CHCHD6: variants seen among roughly 807,000 people sequenced by gnomAD.
The protein encoded by CHCHD6 is coiled-coil-helix-coiled-coil-helix domain containing 6.
CHCHD6 carries 28 observed loss-of-function variants against 32.3 expected under a neutral mutation model. The observed-to-expected ratio is 0.87, with a 90% CI of 0.64 to 1.19. CHCHD6 has a LOEUF of 1.19. Ranked by LOEUF, CHCHD6 falls within the 50% of genes most tolerant of loss-of-function variation. The pLI is 0.00. For synonymous variants in CHCHD6, 122 were observed against 117.5 expected (o/e 1.04, Z -0.25); for missense variants, 333 against 307.0 (o/e 1.08, Z -0.63).
intron 5 of CHCHD6, among the ~76,000 whole-genome samples, chr3:126,878,953 T>C (rs2077573645): frequency 6.6e-6 from 1 of 152,228 alleles, no homozygotes; most frequent in Admixed American, 6.5e-5. Context: ...ACTTGATGGC[T>C]GTGAGCTGGA....
chr3:126,851,769 G>T (rs1381001620), intron 4 of CHCHD6, among the ~76,000 whole-genome samples: 2 of 152,232 alleles, frequency 1.3e-5, no homozygotes, highest in Non-Finnish European at 2.9e-5. Context: ...CTTTATGGAG[G>T]TCTATTGAGA....
chr3:126,765,284 AAGAG>A, intron 4 of CHCHD6, among the ~76,000 whole-genome samples: 1 of 152,304 alleles, frequency 6.6e-6, no homozygotes, highest in East Asian at 1.9e-4. Context: ...TCTGGAAACC[AAGAG>A]CCCTAGCCAG....
At chr3:126,725,288 ACATCTC>A (rs1935480457) in intron 1 of CHCHD6, among the ~76,000 whole-genome samples, 1 of 152,222 alleles carries the variant, frequency 6.6e-6, no homozygotes, top group South Asian at 2.1e-4. Flanking sequence ...TTCATCTTGT[ACATCTC>A]CATCAGAGCT....
chr3:126,892,296 G>A (rs1054410990), intron 5 of CHCHD6, among the ~76,000 whole-genome samples: 3 of 152,158 alleles, frequency 2.0e-5, no homozygotes, highest in Non-Finnish European at 4.4e-5. Context: ...GACTTAAAGA[G>A]ACTGCAAAGC....
chr3:126,810,294 G>A (rs1044480954), intron 4 of CHCHD6, among the ~76,000 whole-genome samples: 1 of 152,150 alleles, frequency 6.6e-6, no homozygotes, highest in Non-Finnish European at 1.5e-5. Flanking sequence ...GAATTAATAC[G>A]GGATGGGAGA....
intron 4 of CHCHD6, among the ~76,000 whole-genome samples, chr3:126,802,470 G>C (rs567102757): frequency 6.6e-6 from 1 of 152,314 alleles, no homozygotes; most frequent in East Asian, 1.9e-4. Context: ...TTCAGTGATG[G>C]AAGATGAAAT....
chr3:126,768,367 A>G (rs1245715995), intron 4 of CHCHD6, among the ~76,000 whole-genome samples: 1 of 152,176 alleles, frequency 6.6e-6, no homozygotes, highest in Admixed American at 6.5e-5. Context: ...CAGAAGCAGA[A>G]GCCACTATGC....
chr3:126,714,518 A>C (rs544988236), intron 1 of CHCHD6, among the ~76,000 whole-genome samples: 2 of 152,230 alleles, frequency 1.3e-5, no homozygotes, highest in Admixed American at 1.3e-4. Context: ...TCTTCTTCGG[A>C]TCACGGGGTT....
At chr3:126,916,258 G>A (rs185685544) in intron 6 of CHCHD6, among the ~76,000 whole-genome samples, 110 of 152,110 alleles carry the variant, frequency 7.2e-4, no homozygotes, top group African/African-American at 2.5e-3. Flanking sequence ...AAAATTAGCC[G>A]GATGTGGTGG....
At chr3:126,734,966 A>AC (rs996468672) in intron 4 of CHCHD6, among the ~76,000 whole-genome samples, 3 of 152,116 alleles carry the variant, frequency 2.0e-5, no homozygotes, top group Non-Finnish European at 2.9e-5. Context: ...TGCTTTTAGA[A>AC]CCCCATGGCA....
intron 4 of CHCHD6, among the ~76,000 whole-genome samples, chr3:126,762,271 G>T (rs1937191175): frequency 6.6e-6 from 1 of 152,122 alleles, no homozygotes; most frequent in African/African-American, 2.4e-5. Context: ...GTAATGTAAA[G>T]ATGTATGCTG....
intron 4 of CHCHD6, among the ~76,000 whole-genome samples, chr3:126,851,762 T>C (rs1941481422): frequency 6.6e-6 from 1 of 152,214 alleles, no homozygotes; most frequent in Non-Finnish European, 1.5e-5. Flanking sequence ...GGTGACCCTT[T>C]ATGGAGGTCT....
chr3:126,899,525 T>C (rs2077891420), intron 5 of CHCHD6, among the ~76,000 whole-genome samples: 1 of 152,162 alleles, frequency 6.6e-6, no homozygotes, highest in African/African-American at 2.4e-5. Context: ...CCAATGCCAA[T>C]TCTAATGTGT....
chr3:126,762,838 AT>A (rs1168633913), intron 4 of CHCHD6, among the ~76,000 whole-genome samples: 1 of 151,902 alleles, frequency 6.6e-6, no homozygotes, highest in Non-Finnish European at 1.5e-5. Context: ...TCTTGTGACT[AT>A]TTTGTACTTA....
chr3:126,746,100 G>A (rs1420091809), intron 4 of CHCHD6, among the ~76,000 whole-genome samples: 1 of 152,208 alleles, frequency 6.6e-6, no homozygotes, highest in Non-Finnish European at 1.5e-5. Context: ...GAGGAGAGTA[G>A]AGGTATGTGG....
chr3:126,824,900 T>C (rs1940323027), intron 4 of CHCHD6, among the ~76,000 whole-genome samples: 1 of 152,120 alleles, frequency 6.6e-6, no homozygotes, highest in East Asian at 1.9e-4. Flanking sequence ...ATTTTCTTAA[T>C]TGTACACTTA....
chr3:126,787,755 A>G (rs1006988578), intron 4 of CHCHD6, among the ~76,000 whole-genome samples: 4 of 152,202 alleles, frequency 2.6e-5, no homozygotes, highest in African/African-American at 9.6e-5. Flanking sequence ...TAAATATACA[A>G]TCATGTCATC....
At chr3:126,717,165 G>A (rs1219948390) in intron 1 of CHCHD6, among the ~76,000 whole-genome samples, 1 of 152,112 alleles carries the variant, frequency 6.6e-6, no homozygotes, top group African/African-American at 2.4e-5. Context: ...CTCTACCTTG[G>A]TTTTCTCAAG....
chr3:126,897,306 GCATGC>G (rs2107581006), intron 5 of CHCHD6, among the ~76,000 whole-genome samples: 1 of 152,304 alleles, frequency 6.6e-6, no homozygotes, highest in East Asian at 1.9e-4. Context: ...CTCTTCACAA[GCATGC>G]CATGGTATCA....
Sources: allele counts gnomAD v4.1 joint callset (sites outside exome capture counted in the v4.1 genomes callset), GRCh38; gene constraint gnomAD v4.1.1; transcripts MANE v1.5; gene names NCBI Gene and HGNC (gene_info 2026-07-23, HGNC 2026-07-21).